UBE2K: variants seen among roughly 807,000 people sequenced by gnomAD.
The protein encoded by UBE2K is ubiquitin conjugating enzyme E2 K.
UBE2K carries 6 observed loss-of-function variants against 30.0 expected under a neutral mutation model. The observed-to-expected ratio is 0.20, with a 90% CI of 0.11 to 0.39. The LOEUF (loss-of-function observed/expected upper bound fraction) is 0.39, where lower values mean the gene tolerates loss of function less well. UBE2K is among the 10% of genes least tolerant of loss of function. UBE2K has a pLI of 1.00. For synonymous variants in UBE2K, 86 were observed against 83.7 expected, an observed-to-expected ratio of 1.03 and a Z score of -0.15; for missense variants, 61 against 241.6, an observed-to-expected ratio of 0.25 and a Z score of 4.96.
chr4:39,770,648 GGCCTTCACCAC>G, intron 4 of UBE2K: 2 of 1,595,046 alleles, frequency 1.3e-6, no homozygotes, highest in Non-Finnish European at 1.7e-6. Flanking sequence ...GGCTATAGCA[GGCCTTCACCAC>G]ACCCTGCGGT....
chr4:39,708,235 A>G (rs778788459), intron 1 of UBE2K, among the ~76,000 whole-genome samples: 16 of 152,196 alleles, frequency 1.1e-4, no homozygotes, highest in Middle Eastern at 3.4e-3. Flanking sequence ...CTTTAGGCAC[A>G]TGAATTGGAA....
rs1367361916 is a variant in UBE2K at position 39,778,861 on chromosome 4, G to T, written c.*427G>T. 3 of 153,710 alleles carry T rather than the reference G, an allele frequency of 2.0e-5. No homozygotes were observed. Among genetic ancestry groups the T allele is most frequent in the Admixed American group, 1.9e-4 (3 of 15,480 alleles). 9.5% of individuals were successfully genotyped at this position (153,710 alleles called of 1,614,324 possible). On this transcript the variant is annotated 3_prime_UTR_variant, in exon 7 of 7. Transcript: ENST00000261427. ...TAACTGTTTTTAACATGGATCCTCTGTGCCTGTGAATTTACTTGCATGCTT... is the reference window on the plus strand; with the variant it reads ...TAACTGTTTTTAACATGGATCCTCTTTGCCTGTGAATTTACTTGCATGCTT...
chr4:39,777,863 T>A, intron 6 of UBE2K, 53 bp downstream of exon 6: 1 of 1,354,766 alleles, frequency 7.4e-7, no homozygotes, highest in Non-Finnish European at 9.6e-7. Flanking sequence ...TTTAAATTAT[T>A]GCAAATTCTT....
Position 39,779,421 on chromosome 4 carries a change from G to A in UBE2K, c.*987G>A, listed in dbSNP as rs1713474673. The A allele has an allele frequency of 6.6e-6, 1 of 152,564 alleles. No homozygotes were observed. Among genetic ancestry groups the A allele is most frequent in the Admixed American group, 6.6e-5 (1 of 15,264 alleles). 9.5% of individuals were successfully genotyped at this position (152,564 alleles called of 1,614,324 possible). Reference sequence around the variant, plus strand: ...TTAGCCTGATTTTGGGGTCTATAGAGATTGCTTTATTGGATACTTCAAGTC... The same window carrying A: ...TTAGCCTGATTTTGGGGTCTATAGAAATTGCTTTATTGGATACTTCAAGTC... On this transcript the variant is annotated 3_prime_UTR_variant, in exon 7 of 7. Transcript: ENST00000261427.
chr4:39,774,870 A>G lies in UBE2K; in HGVS notation c.336A>G (p.Ser112=), dbSNP rs2109414271. Residue 112 remains serine (S), a synonymous_variant, in exon 5 of 7, where the codon TCA becomes TCG. Transcript: ENST00000261427. ...TGACTCTCCGCACGGTATTATTGTC[A>G]TTGCAAGCACTATTGGCAGCTGCAG... ...AAMTLRTVLL[S]LQALLAAAEP... The G allele has an allele frequency of 6.2e-7, 1 of 1,603,338 alleles. No individual in the cohort carries two copies. Among genetic ancestry groups the G allele is most frequent in the African/African-American group, 1.3e-5 (1 of 74,830 alleles).
At chr4:39,714,546 A>ATTTTTTTTTTTTTTTTTTTTTTT (rs879776892) in intron 1 of UBE2K, 1 of 25,280 alleles carries the variant, frequency 4.0e-5, no homozygotes, top group East Asian at 2.3e-3. Flanking sequence ...ATATATATAT[A>ATTTTTTTTTTTTTTTTTTTTTTT]TATATTTTTT....
At chr4:39,705,946 T>G (rs1718335686) in intron 1 of UBE2K, among the ~76,000 whole-genome samples, 1 of 148,748 alleles carries the variant, frequency 6.7e-6, no homozygotes, top group African/African-American at 2.5e-5. Flanking sequence ...GCCTCCCAGG[T>G]TCAACCAATA....
At chr4:39,710,240 A>G (rs1718592080) in intron 1 of UBE2K, 1 of 125,370 alleles carries the variant, frequency 8.0e-6, no homozygotes, top group South Asian at 2.9e-4. Flanking sequence ...AACTGCCTAC[A>G]GTTGAATGCC....
rs533703935 is a variant in UBE2K, at chr4:39,778,662, T to C, written c.*228T>C. 2.6e-6 allele frequency: 1 copy of C among 382,866 alleles called. No homozygotes were observed. The highest frequency in any genetic ancestry group is 2.1e-5 in the African/African-American group (1 of 48,642). The allele number at this position is 382,866 out of a possible 1,614,324, so 23.7% of individuals were successfully genotyped here. A position where few individuals can be genotyped will look rare whatever the true frequency, so the allele number is the denominator to read the frequency against. On this transcript the variant is annotated 3_prime_UTR_variant, in exon 7 of 7. Transcript: ENST00000261427. ...GAAATACTTTAATTTTTTTTCTTAA[T>C]AGTGTAAAAATTCCCTGAGCTAAGC...
chr4:39,770,486 T>C (rs1712717475), intron 4 of UBE2K: 2 of 1,610,630 alleles, frequency 1.2e-6, no homozygotes, highest in East Asian at 4.5e-5. Context: ...GGTTTCCACC[T>C]GAGAAGCTCC....
At chr4:39,714,538 A>ATTT (rs1330301395) in intron 1 of UBE2K, 4 of 22,232 alleles carry the variant, frequency 1.8e-4, no homozygotes, top group African/African-American at 3.5e-4. Context: ...ATATATATAT[A>ATTT]TATATATATA....
At chr4:39,714,542 A>ATTTT (rs1275060030) in intron 1 of UBE2K, 8 of 20,196 alleles carry the variant, frequency 4.0e-4, no homozygotes, top group African/African-American at 2.9e-3. Flanking sequence ...ATATATATAT[A>ATTTT]TATATATATT....
intron 4 of UBE2K, among the ~76,000 whole-genome samples, chr4:39,765,834 G>A (rs889672715): frequency 1.3e-5 from 2 of 151,886 alleles, no homozygotes. Context: ...TAGGCTGGGC[G>A]TGGTGGCTCT....
chr4:39,754,021 T>G (rs975192548), intron 3 of UBE2K, among the ~76,000 whole-genome samples: 1 of 151,930 alleles, frequency 6.6e-6, no homozygotes, highest in Non-Finnish European at 1.5e-5. Context: ...AGCGCGAGAC[T>G]CCTTCTCAAA....
At chr4:39,759,944 G>A (rs896957769) in intron 4 of UBE2K, among the ~76,000 whole-genome samples, 1 of 152,132 alleles carries the variant, frequency 6.6e-6, no homozygotes, top group Non-Finnish European at 1.5e-5. Context: ...GGGAGGCCAA[G>A]GTAGGTGGAT....
rs9995971 is a variant in UBE2K at position 39,725,773 on chromosome 4, T to A, written c.64-11647T>A. Among the ~76,000 whole-genome samples the A allele has an allele frequency of 5.9e-3, 893 of 152,214 alleles. 7 individuals carry two copies. The highest frequency in any genetic ancestry group is 0.02 in the African/African-American group (848 of 41,538). ...CCCTCCTGCTTCAGCCTCCTGAGTA[T>A]CTGGGACTACAGGTGCACACCACCA... On this transcript the variant is annotated intron_variant, in intron 1 of 6. Transcript: ENST00000261427.
At position 39,732,938 on chromosome 4, in the gene UBE2K, A is replaced by G. The variant is rs114286504; in HGVS notation, c.64-4482A>G. On this transcript the variant is annotated intron_variant, in intron 1 of 6. Transcript: ENST00000261427. ...TGATTCATCTGCCTCGGCCTCCTAG[A>G]GTACTGGAATTACAGGGGTGAAACA... is the stretch of plus-strand genomic sequence containing the variant. 6.4e-3 allele frequency among the ~76,000 whole-genome samples: 963 copies of G among 151,538 alleles called. 10 individuals are homozygous for G. Among genetic ancestry groups the G allele is most frequent in the African/African-American group, 0.022 (918 of 41,360 alleles).
chr4:39,729,332 T>A (rs937672144), intron 1 of UBE2K, among the ~76,000 whole-genome samples: 1 of 152,118 alleles, frequency 6.6e-6, no homozygotes, highest in Non-Finnish European at 1.5e-5. Flanking sequence ...AATTTTTCAT[T>A]TACCTACTTG....
chr4:39,770,640 C>A, intron 4 of UBE2K: 1 of 1,597,628 alleles, frequency 6.3e-7, no homozygotes, highest in Non-Finnish European at 8.5e-7. Context: ...CTCCGACAGG[C>A]TATAGCAGGC....
Sources: allele counts gnomAD v4.1 joint callset (sites outside exome capture counted in the v4.1 genomes callset), GRCh38; gene constraint gnomAD v4.1.1; transcripts MANE v1.5; gene names NCBI Gene and HGNC (gene_info 2026-07-23, HGNC 2026-07-21).